PLCB4: variants seen among roughly 807,000 people sequenced by gnomAD.
PLCB4 encodes phospholipase C beta 4, also known as 1-phosphatidylinositol 4,5-bisphosphate phosphodiesterase beta-4.
PLCB4 carries 77 observed loss-of-function variants against 178.8 expected under a neutral mutation model. The ratio of observed to expected loss-of-function variants is 0.43; its 90% CI spans 0.36 to 0.52. The LOEUF is 0.52. Among genes scored for constraint, PLCB4 ranks in the 20% least tolerant of loss-of-function variants. PLCB4 has a pLI of 0.00. For missense variants in PLCB4, 1,024 were observed against 1,453.4 expected, an observed-to-expected ratio of 0.70 and a Z score of 4.80; for synonymous variants, 496 against 490.8, an observed-to-expected ratio of 1.01 and a Z score of -0.14.
At chr20:9,128,127 T>C (rs2092174445) in intron 2 of PLCB4, among the ~76,000 whole-genome samples, 1 of 152,146 alleles carries the variant, frequency 6.6e-6, no homozygotes. Flanking sequence ...CTTAGCGCTA[T>C]CCTCTTGGAT....
At chr20:9,332,992 A>G (rs1190483064) in intron 4 of PLCB4, among the ~76,000 whole-genome samples, 9 of 152,176 alleles carry the variant, frequency 5.9e-5, no homozygotes, top group Admixed American at 3.3e-4. Context: ...GCCTTTAGGC[A>G]GACGGCCTCA....
At chr20:9,250,484 G>C (rs2094168867) in intron 3 of PLCB4, among the ~76,000 whole-genome samples, 1 of 152,226 alleles carries the variant, frequency 6.6e-6, no homozygotes. Context: ...CTGCATATGA[G>C]TTATATATTT....
At chr20:9,339,879 T>C (rs2032974501) in intron 7 of PLCB4, among the ~76,000 whole-genome samples, 2 of 152,170 alleles carry the variant, frequency 1.3e-5, no homozygotes, top group Admixed American at 6.5e-5. Context: ...AAGAGACTTC[T>C]CGAAGAAGTA....
intron 2 of PLCB4, among the ~76,000 whole-genome samples, chr20:9,192,838 C>G (rs901274632): frequency 6.6e-6 from 1 of 152,022 alleles, no homozygotes; most frequent in Non-Finnish European, 1.5e-5. Flanking sequence ...ACAGTAATAG[C>G]AGAGCTTTAA....
At chr20:9,320,617 T>G (rs2094949177) in intron 4 of PLCB4, among the ~76,000 whole-genome samples, 1 of 152,206 alleles carries the variant, frequency 6.6e-6, no homozygotes, top group Non-Finnish European at 1.5e-5. Flanking sequence ...TAAGCATTAT[T>G]TCACTTAAGC....
intron 12 of PLCB4, among the ~76,000 whole-genome samples, chr20:9,375,509 ACT>A (rs563846645): frequency 4.7e-4 from 71 of 152,248 alleles, no homozygotes; most frequent in Middle Eastern, 3.4e-3. Flanking sequence ...CACTTTAGAA[ACT>A]CTGTTAACTG....
At chr20:9,086,662 C>T (rs2090436748) in intron 1 of PLCB4, among the ~76,000 whole-genome samples, 1 of 152,144 alleles carries the variant, frequency 6.6e-6, no homozygotes, top group Non-Finnish European at 1.5e-5. Flanking sequence ...GTCTTCCCCT[C>T]CTTCCAAGGC....
intron 2 of PLCB4, among the ~76,000 whole-genome samples, chr20:9,102,064 C>T (rs1047366366): frequency 2.6e-5 from 4 of 152,024 alleles, no homozygotes; most frequent in South Asian, 2.1e-4. Context: ...AGGCTGGTCT[C>T]GAACTCCTGA....
chr20:9,432,387 G>A (rs1424821520), intron 28 of PLCB4, among the ~76,000 whole-genome samples: 1 of 152,034 alleles, frequency 6.6e-6, no homozygotes, highest in Non-Finnish European at 1.5e-5. Context: ...CTCTCTTCAG[G>A]CCCCCAGACT....
intron 2 of PLCB4, among the ~76,000 whole-genome samples, chr20:9,171,568 T>G (rs956670598): frequency 6.6e-6 from 1 of 152,152 alleles, no homozygotes; most frequent in Non-Finnish European, 1.5e-5. Flanking sequence ...TGCTTTTCTC[T>G]GAGAGGAAAG....
At chr20:9,441,259 A>G (rs560385897) in intron 30 of PLCB4, among the ~76,000 whole-genome samples, 1 of 152,242 alleles carries the variant, frequency 6.6e-6, no homozygotes, top group African/African-American at 2.4e-5. Flanking sequence ...TTTGTATGAT[A>G]GTTTTTAGGA....
intron 3 of PLCB4, among the ~76,000 whole-genome samples, chr20:9,218,380 C>T (rs557761364): frequency 6.6e-6 from 1 of 152,314 alleles, no homozygotes; most frequent in East Asian, 1.9e-4. Flanking sequence ...GCTGGAATTA[C>T]AGGTATGAAC....
At chr20:9,171,666 G>C (rs576029904) in intron 2 of PLCB4, among the ~76,000 whole-genome samples, 1 of 152,212 alleles carries the variant, frequency 6.6e-6, no homozygotes, top group Non-Finnish European at 1.5e-5. Context: ...AATAAATTCA[G>C]GTTATAAATT....
intron 2 of PLCB4, among the ~76,000 whole-genome samples, chr20:9,103,542 C>T (rs561038741): frequency 6.6e-6 from 1 of 152,190 alleles, no homozygotes; most frequent in South Asian, 2.1e-4. Flanking sequence ...ATGATGAAGG[C>T]TCTGGAAAAC....
chr20:9,324,648 T>C (rs1232293903), intron 4 of PLCB4, among the ~76,000 whole-genome samples: 2 of 152,168 alleles, frequency 1.3e-5, no homozygotes, highest in Non-Finnish European at 2.9e-5. Context: ...TGAGGCCGAC[T>C]CTGAGCTCAC....
chr20:9,354,562 C>T (rs1000810473), intron 7 of PLCB4, among the ~76,000 whole-genome samples: 4 of 152,190 alleles, frequency 2.6e-5, no homozygotes, highest in Admixed American at 6.5e-5. Context: ...TGGGCACTTC[C>T]GGTAAATTCC....
In PLCB4 at chr20:9,307,506, C is replaced by T. The variant is rs911170192; in HGVS notation, c.-15-294C>T. Reference sequence around the variant, plus strand: ...TTTAAAAAAAGAATACACACACACACACACACACACACACACACACACACA... The same window carrying T: ...TTTAAAAAAAGAATACACACACACATACACACACACACACACACACACACA... On this transcript the variant is annotated intron_variant, in intron 3 of 39. Transcript: ENST00000378473. Among the ~76,000 whole-genome samples, 461 of 72,996 alleles carry T rather than the reference C, an allele frequency of 6.3e-3. 6 individuals carry two copies. The highest frequency in any genetic ancestry group is 0.011 in the Middle Eastern group (1 of 94). 47.9% of individuals were successfully genotyped at this position (72,996 alleles called of 152,430 possible).
chr20:9,238,480 T>A (rs2094019054), intron 3 of PLCB4, among the ~76,000 whole-genome samples: 1 of 152,158 alleles, frequency 6.6e-6, no homozygotes, highest in Admixed American at 6.5e-5. Context: ...GTGAACAGCA[T>A]AGCCTTTGAT....
At chr20:9,258,040 A>C (rs1309020777) in intron 3 of PLCB4, among the ~76,000 whole-genome samples, 1 of 152,186 alleles carries the variant, frequency 6.6e-6, no homozygotes, top group African/African-American at 2.4e-5. Context: ...AATTAATGAA[A>C]GTGGAGACAT....
Sources: gnomAD v4.1 joint callset for allele counts (sites outside exome capture counted in the v4.1 genomes callset) on GRCh38, gnomAD v4.1.1 for gene constraint, MANE v1.5 for transcripts, NCBI Gene and HGNC (gene_info 2026-07-23, HGNC 2026-07-21) for gene names.